PECR: variants seen among roughly 807,000 people sequenced by gnomAD.
The protein encoded by PECR is peroxisomal trans-2-enoyl-CoA reductase.
In PECR, 30 loss-of-function variants were observed where a neutral mutation model predicts 35.3. The ratio of observed to expected loss-of-function variants is 0.85; its 90% CI spans 0.64 to 1.15. The LOEUF is 1.15. PECR is among the 50% of genes most tolerant of loss of function. The probability of loss-of-function intolerance (pLI) is 0.00; values close to 1 mark genes in which losing one functional copy is unlikely to be tolerated. For synonymous variants in PECR, 148 were observed against 138.9 expected, an observed-to-expected ratio of 1.07 and a Z score of -0.46; for missense variants, 392 against 370.8, an observed-to-expected ratio of 1.06 and a Z score of -0.47.
chr2:216,065,163 T>A, intron 3 of PECR, 149 bp downstream of exon 3: 1 of 733,674 alleles, frequency 1.4e-6, no homozygotes, highest in South Asian at 1.4e-5. Flanking sequence ...CAAATTACTA[T>A]ACTGAAATGT....
intron 3 of PECR, among the ~76,000 whole-genome samples, chr2:216,061,963 TGTGA>T (rs929352119): frequency 2.0e-5 from 3 of 147,704 alleles, no homozygotes; most frequent in African/African-American, 7.8e-5. Flanking sequence ...AACGAGTGTG[TGTGA>T]GTATGTGTGT....
intron 3 of PECR, chr2:216,064,079 A>G (rs1027395980): frequency 6.6e-6 from 1 of 152,170 alleles, no homozygotes; most frequent in Admixed American, 6.5e-5. Context: ...CTGAATTTCA[A>G]TTCTGTAGAC....
rs569407796 is a variant in PECR, at chr2:216,062,326, A to G, written c.424+2986T>C. Among the ~76,000 whole-genome samples the G allele has an allele frequency of 1.0e-3, 155 of 152,308 alleles. 1 individual carries two copies. The highest frequency in any genetic ancestry group is 3.5e-3 in the African/African-American group (145 of 41,562). ...CTTCCAAAGTGCTGAGATTACAGGC[A>G]TGAGCCATCACGCCTGGCAATGCTT... On this transcript the variant is annotated intron_variant, in intron 3 of 7. Coordinates refer to ENST00000265322, the MANE Select transcript of PECR (RefSeq NM_018441.6).
At chr2:216,049,127 C>T (rs1574682824) in intron 6 of PECR, 136 bp downstream of exon 6, 2 of 730,488 alleles carry the variant, frequency 2.7e-6, no homozygotes, top group East Asian at 5.0e-5. Context: ...TCCCTGACAG[C>T]CAGAAAGAAC....
intron 4 of PECR, among the ~76,000 whole-genome samples, chr2:216,055,412 G>T (rs1695204824): frequency 6.7e-6 from 1 of 148,320 alleles, no homozygotes. Context: ...ACTCCAGCCT[G>T]GGCAACAAGA....
chr2:216,071,040 G>A (rs1324425625), intron 1 of PECR, among the ~76,000 whole-genome samples: 1 of 152,182 alleles, frequency 6.6e-6, no homozygotes, highest in Non-Finnish European at 1.5e-5. Flanking sequence ...ACAGGTAATT[G>A]CAAAATGTGC....
chr2:216,074,075 T>C (rs1022775145), intron 1 of PECR, among the ~76,000 whole-genome samples: 1 of 152,232 alleles, frequency 6.6e-6, no homozygotes, highest in Admixed American at 6.5e-5. Context: ...CTTTCTTTGA[T>C]ATTTCTGCCT....
chr2:216,073,876 A>C (rs1208541889), intron 1 of PECR, among the ~76,000 whole-genome samples: 1 of 152,208 alleles, frequency 6.6e-6, no homozygotes, highest in African/African-American at 2.4e-5. Flanking sequence ...CACTATGATG[A>C]AATCACTTAA....
At chr2:216,032,513 A>T (rs977173722) in intron 7 of PECR, among the ~76,000 whole-genome samples, 5 of 152,242 alleles carry the variant, frequency 3.3e-5, no homozygotes, top group Non-Finnish European at 5.9e-5. Flanking sequence ...TGGGAGGCTG[A>T]CCAGGGGTAC....
rs1259366497 is a variant in PECR at position 216,081,640 on chromosome 2, G to A, written c.102C>T (p.Ile34=). 1.2e-6 allele frequency: 2 copies of A among 1,613,538 alleles called. No homozygotes were observed. Among genetic ancestry groups the A allele is most frequent in the South Asian group, 1.1e-5 (1 of 91,088 alleles). ...TACCCAGCTCCAGGAGCTCCTTCAC[G>A]ATGGCTTTTCCGATGCCCGTGGCCC... ...TGGATGIGKA[I]VKELLELGSN... Residue 34 remains isoleucine (I), a synonymous_variant, in exon 1 of 8, where the codon ATC becomes ATT. Coordinates refer to ENST00000265322, the MANE Select transcript of PECR (RefSeq NM_018441.6).
At chr2:216,061,263 G>A (rs563683706) in intron 3 of PECR, among the ~76,000 whole-genome samples, 9 of 121,070 alleles carry the variant, frequency 7.4e-5, no homozygotes, top group East Asian at 2.7e-4. Flanking sequence ...AGTGAGCCAC[G>A]ATCACATCAC....
intron 4 of PECR, among the ~76,000 whole-genome samples, 192 bp from the exon 5 acceptor site, chr2:216,051,737 G>C (rs1472138744): frequency 1.3e-5 from 2 of 152,166 alleles, no homozygotes; most frequent in Non-Finnish European, 1.5e-5. Flanking sequence ...CCAAGCCACA[G>C]CTGATGATCA....
In PECR at chr2:216,081,785, G is replaced by C; in HGVS notation, c.-44C>G. Reference sequence around the variant, plus strand: ...GAGCAGCTGAGCGCAGGCCCTTCTGGGTCTCAGGGACATTCGAGGCGGGCG... The same window carrying C: ...GAGCAGCTGAGCGCAGGCCCTTCTGCGTCTCAGGGACATTCGAGGCGGGCG... On this transcript the variant is annotated 5_prime_UTR_variant, in exon 1 of 8. Transcript: ENST00000265322. The C allele has an allele frequency of 3.1e-6, 5 of 1,605,680 alleles. No homozygotes were observed. The highest frequency in any genetic ancestry group is 4.2e-6 in the Non-Finnish European group (5 of 1,178,194).
At chr2:216,037,720 G>A (rs1187097621), downstream of PECR, among the ~76,000 whole-genome samples, 4 of 152,094 alleles carry the variant, frequency 2.6e-5, no homozygotes, top group South Asian at 6.2e-4. Flanking sequence ...AGCCCTGCTT[G>A]GGAGCATGAG....
chr2:216,067,017 T>C (rs1695480473), intron 1 of PECR, among the ~76,000 whole-genome samples: 3 of 152,142 alleles, frequency 2.0e-5, no homozygotes, highest in Admixed American at 1.3e-4. Flanking sequence ...TAGCACTGGA[T>C]GGTCATCTCT....
intron 4 of PECR, among the ~76,000 whole-genome samples, chr2:216,053,279 T>C (rs1695155418): frequency 1.3e-5 from 2 of 151,974 alleles, no homozygotes; most frequent in Non-Finnish European, 2.9e-5. Context: ...AGTCTCACTC[T>C]GTCACCCAGG....
intron 1 of PECR, among the ~76,000 whole-genome samples, chr2:216,070,901 C>T (rs974763647): frequency 6.6e-6 from 1 of 152,196 alleles, no homozygotes; most frequent in Non-Finnish European, 1.5e-5. Flanking sequence ...TGTCATTTGC[C>T]AACATTCTGC....
chr2:216,074,532 G>GGAAT (rs1472388042), intron 1 of PECR, among the ~76,000 whole-genome samples: 37 of 132,736 alleles, frequency 2.8e-4, no homozygotes, highest in Non-Finnish European at 4.7e-4. Flanking sequence ...AAGGAAGGAA[G>GGAAT]GAAGGAAGAA....
rs754913459 is a variant in PECR, at chr2:216,039,180, G to A, written c.*95C>T. ...AATAACACTTAAAAATAAGAAAAAT[G>A]TTTTCCATACCAACTATAAGCTTTT... On this transcript the variant is annotated 3_prime_UTR_variant, in exon 8 of 8. Coordinates refer to ENST00000265322, the MANE Select transcript of PECR (RefSeq NM_018441.6). The A allele has an allele frequency of 2.8e-4, 213 of 769,284 alleles. No individual in the cohort carries two copies. In the Middle Eastern group the frequency reaches 3.2e-3, roughly 12 times the overall value. The allele number at this position is 769,284 out of a possible 1,614,324, so 47.7% of individuals were successfully genotyped here.
Sources: gnomAD v4.1 joint callset for allele counts (sites outside exome capture counted in the v4.1 genomes callset) on GRCh38, gnomAD v4.1.1 for gene constraint, MANE v1.5 for transcripts, NCBI Gene and HGNC (gene_info 2026-07-23, HGNC 2026-07-21) for gene names.